Variants in GLIS3 observed in about 807,000 individuals in gnomAD.
GLIS3 encodes zinc finger protein GLIS3.
GLIS3 carries 53 observed loss-of-function variants against 78.6 expected under a neutral mutation model. That is an observed-to-expected ratio of 0.67 (90% CI 0.54 to 0.85). GLIS3 has a LOEUF of 0.85. Among genes scored for constraint, GLIS3 ranks in the 40% least tolerant of loss-of-function variants. The probability of loss-of-function intolerance (pLI) is 0.00; values close to 1 mark genes in which losing one functional copy is unlikely to be tolerated. For synonymous variants in GLIS3, 684 were observed against 509.9 expected (o/e 1.34, Z -4.60); for missense variants, 1,703 against 1,231.1 (o/e 1.38, Z -5.74).
Position 4,340,689 on chromosome 9 carries a change from TTTTG to T in GLIS3, n.264+6388_264+6391del, listed in dbSNP as rs1177081485. Among the ~76,000 whole-genome samples, 5 of 152,240 alleles carry T rather than the reference TTTTG, an allele frequency of 3.3e-5. No homozygotes were observed. In the East Asian group the frequency reaches 9.6e-4, roughly 29 times the overall value. On this transcript the variant is annotated intron_variant and non_coding_transcript_variant, in intron 2 of 4. Transcript: ENST00000471664. ...GAACCAGATCCCACCTGATTCTTGTTTTTGTTTAATTTTTTTGGAGACAGAGTCT... is the reference window on the plus strand; with the variant it reads ...GAACCAGATCCCACCTGATTCTTGTTTTTAATTTTTTTGGAGACAGAGTCT...
chr9:4,130,454 C>T (rs912760415), intron 2 of GLIS3, among the ~76,000 whole-genome samples: 2 of 152,224 alleles, frequency 1.3e-5, no homozygotes, highest in Admixed American at 6.5e-5. Context: ...AGGCCCAGGG[C>T]CCTGCTGCAC....
At chr9:4,444,198 G>A in the GLIS3 span, among the ~76,000 whole-genome samples, 1 of 152,128 alleles carries the variant, frequency 6.6e-6, no homozygotes, top group South Asian at 2.1e-4. Flanking sequence ...GTACCAATCA[G>A]CATAAAAAGA....
intron 4 of GLIS3, among the ~76,000 whole-genome samples, chr9:4,111,941 T>C (rs1193604305): frequency 6.6e-6 from 1 of 152,214 alleles, no homozygotes; most frequent in Non-Finnish European, 1.5e-5. Flanking sequence ...AAAGAGAAAA[T>C]TCAATATTTT....
At chr9:3,956,082 G>T (rs535999371) in intron 4 of GLIS3, among the ~76,000 whole-genome samples, 1 of 150,556 alleles carries the variant, frequency 6.6e-6, no homozygotes, top group Non-Finnish European at 1.5e-5. Context: ...TTCATCCGTG[G>T]TCAAACTACC....
chr9:4,104,069 C>T (rs1830575348), intron 4 of GLIS3, among the ~76,000 whole-genome samples: 1 of 152,168 alleles, frequency 6.6e-6, no homozygotes, highest in South Asian at 2.1e-4. Context: ...TGACTCTACT[C>T]ATTTCACTTT....
At chr9:4,150,045 TAAAC>T (rs1834549063) in intron 2 of GLIS3, among the ~76,000 whole-genome samples, 1 of 137,038 alleles carries the variant, frequency 7.3e-6, no homozygotes. Context: ...CATGCACACA[TAAAC>T]ACACACACAC....
chr9:3,907,013 C>T (rs1275302374), intron 6 of GLIS3, among the ~76,000 whole-genome samples: 1 of 152,170 alleles, frequency 6.6e-6, no homozygotes, highest in Non-Finnish European at 1.5e-5. Context: ...CCTGACCAGA[C>T]CAGTCCACAC....
chr9:4,355,327 G>A, the GLIS3 span, among the ~76,000 whole-genome samples: 1 of 152,004 alleles, frequency 6.6e-6, no homozygotes, highest in Non-Finnish European at 1.5e-5. Context: ...AAACTTACAG[G>A]GCTCCTGTAA....
chr9:3,847,658 G>C (rs1456338756), intron 9 of GLIS3, among the ~76,000 whole-genome samples: 1 of 152,150 alleles, frequency 6.6e-6, no homozygotes, highest in Non-Finnish European at 1.5e-5. Context: ...ACCTTTTCTG[G>C]TTCACATGAC....
In GLIS3 at chr9:3,893,004, G is replaced by C. The variant is rs943265625; in HGVS notation, c.2128+5687C>G. 2.0e-5 allele frequency among the ~76,000 whole-genome samples: 3 copies of C among 152,088 alleles called. No individual in the cohort carries two copies. The South Asian group carries it at 6.2e-4, about 32-fold the overall frequency. On this transcript the variant is annotated intron_variant, in intron 7 of 10. Coordinates refer to ENST00000381971, the MANE Select transcript of GLIS3 (RefSeq NM_001042413.2). ...GTCACATGTACAGGTTTGTTATATAGATAAGCTTGTGTCATGGGGGTTTGT... is the reference window on the plus strand; with the variant it reads ...GTCACATGTACAGGTTTGTTATATACATAAGCTTGTGTCATGGGGGTTTGT...
intron 6 of GLIS3, among the ~76,000 whole-genome samples, chr9:3,919,649 A>T (rs930938367): frequency 5.0e-5 from 7 of 140,586 alleles, no homozygotes; most frequent in South Asian, 2.2e-4. Flanking sequence ...GTTAAAAAAT[A>T]AAAAAAAAAA....
At chr9:3,938,519 G>A (rs1240660199) in intron 4 of GLIS3, among the ~76,000 whole-genome samples, 1 of 151,954 alleles carries the variant, frequency 6.6e-6, no homozygotes. Context: ...TTTAAATAAG[G>A]GACGAACTAA....
In GLIS3 at chr9:4,137,148, G is replaced by C. The variant is rs75748540; in HGVS notation, c.389-11207C>G. 3.3e-4 allele frequency among the ~76,000 whole-genome samples: 51 copies of C among 152,296 alleles called. No individual in the cohort carries two copies. In the East Asian group the frequency reaches 9.6e-3, roughly 29 times the overall value. Reference sequence around the variant, plus strand: ...ATGGTTATGAAGCAAGTTAGAGTAAGGATTTTATAATTAGTTGCTAAAGAT... The same window carrying C: ...ATGGTTATGAAGCAAGTTAGAGTAACGATTTTATAATTAGTTGCTAAAGAT... On this transcript the variant is annotated intron_variant, in intron 2 of 10. Transcript: ENST00000381971.
At chr9:4,172,850 C>G (rs1209731251) in intron 2 of GLIS3, among the ~76,000 whole-genome samples, 2 of 152,160 alleles carry the variant, frequency 1.3e-5, no homozygotes, top group Non-Finnish European at 2.9e-5. Context: ...CAAATGCTCT[C>G]CAAGGCCAGG....
chr9:4,453,584 C>A, the GLIS3 span, among the ~76,000 whole-genome samples: 1 of 152,038 alleles, frequency 6.6e-6, no homozygotes, highest in Non-Finnish European at 1.5e-5. Context: ...AAACGCTCAT[C>A]ATTGGAACCA....
At chr9:4,467,729 A>G in the GLIS3 span, among the ~76,000 whole-genome samples, 1 of 152,170 alleles carries the variant, frequency 6.6e-6, no homozygotes, top group Non-Finnish European at 1.5e-5. Flanking sequence ...GGGCCTCTTC[A>G]CCCCCAAAGG....
intron 4 of GLIS3, among the ~76,000 whole-genome samples, chr9:4,073,632 T>G (rs1320751229): frequency 1.3e-5 from 2 of 152,068 alleles, no homozygotes; most frequent in Non-Finnish European, 2.9e-5. Context: ...TGCTGTCCTA[T>G]CATATTTCTC....
intron 2 of GLIS3, among the ~76,000 whole-genome samples, chr9:4,181,440 C>G (rs1307647854): frequency 2.6e-5 from 4 of 152,246 alleles, no homozygotes; most frequent in Non-Finnish European, 4.4e-5. Context: ...GGCATCTAGT[C>G]TGCTACTGCC....
At chr9:3,834,926 T>A (rs974603897) in intron 9 of GLIS3, among the ~76,000 whole-genome samples, 1 of 152,142 alleles carries the variant, frequency 6.6e-6, no homozygotes, top group Non-Finnish European at 1.5e-5. Context: ...TTTCTTCACT[T>A]CAGATTGCAG....
Sources: allele counts gnomAD v4.1 joint callset (sites outside exome capture counted in the v4.1 genomes callset), GRCh38; gene constraint gnomAD v4.1.1; transcripts MANE v1.5; gene names NCBI Gene and HGNC (gene_info 2026-07-23, HGNC 2026-07-21).